Variants in FLRT2 observed in about 807,000 individuals in gnomAD.
FLRT2 encodes the protein leucine-rich repeat transmembrane protein FLRT2.
In FLRT2, 15 loss-of-function variants were observed where a neutral mutation model predicts 40.0. That is an observed-to-expected ratio of 0.38 (90% CI 0.25 to 0.58). The LOEUF is 0.58. Among genes scored for constraint, FLRT2 ranks in the 20% least tolerant of loss-of-function variants. The pLI is 0.71. For missense variants in FLRT2, 726 were observed against 840.0 expected (o/e 0.86, Z 1.68); for synonymous variants, 380 against 336.8 (o/e 1.13, Z -1.41).
chr14:85,596,755 A>C (rs958567438), intron 1 of FLRT2, among the ~76,000 whole-genome samples: 1 of 152,212 alleles, frequency 6.6e-6, no homozygotes, highest in Admixed American at 6.5e-5. Context: ...TCTGGCACAG[A>C]TGAGAACATG....
intron 1 of FLRT2, among the ~76,000 whole-genome samples, chr14:85,612,547 G>T (rs1050712986): frequency 1.3e-5 from 2 of 152,122 alleles, no homozygotes; most frequent in African/African-American, 4.8e-5. Context: ...CATGTTCTTG[G>T]GGTGGGTTGG....
chr14:85,634,860 G>A lies in FLRT2; in HGVS notation c.*11363G>A, dbSNP rs988637950. On this transcript the variant is annotated 3_prime_UTR_variant, in exon 2 of 2. Transcript: ENST00000330753. The stretch of plus-strand genomic sequence containing the variant: ...TCTTGGATAAGACCACTTCTCTCTC[G>A]GGCTTGTTTCTTATAGTCAAAAGCG... 2.0e-5 allele frequency: 3 copies of A among 151,844 alleles called. No individual in the cohort carries two copies. Among genetic ancestry groups the A allele is most frequent in the East Asian group, 1.9e-4 (1 of 5,180 alleles). 9.4% of individuals were successfully genotyped at this position (151,844 alleles called of 1,614,324 possible).
At chr14:85,535,387 T>C (rs1888587930) in intron 1 of FLRT2, among the ~76,000 whole-genome samples, 1 of 143,324 alleles carries the variant, frequency 7.0e-6, no homozygotes, top group Non-Finnish European at 1.5e-5. Context: ...TTGAGGTAAA[T>C]AGAATGCAGA....
intron 1 of FLRT2, among the ~76,000 whole-genome samples, chr14:85,614,937 T>C (rs142694760): frequency 6.6e-6 from 1 of 152,230 alleles, no homozygotes; most frequent in Admixed American, 6.5e-5. Context: ...AGAAGATACA[T>C]CTGTTATGGA....
Position 85,642,566 on chromosome 14 carries a change from C to G in FLRT2, c.*19069C>G, listed in dbSNP as rs971308118. ...AAAGGCTAAAATAACAACAAAAAAA[C>G]GGCAATAGTTTGTTATTTTTTATCA... On this transcript the variant is annotated 3_prime_UTR_variant, in exon 2 of 2. Transcript: ENST00000330753. 1.3e-5 allele frequency: 2 copies of G among 152,032 alleles called. No individual in the cohort carries two copies. Among genetic ancestry groups the G allele is most frequent in the East Asian group, 1.9e-4 (1 of 5,188 alleles). 9.4% of individuals were successfully genotyped at this position (152,032 alleles called of 1,614,324 possible).
In FLRT2 at chr14:85,640,058, C is replaced by T. The variant is rs1894115943; in HGVS notation, c.*16561C>T. 6.6e-6 allele frequency: 1 copy of T among 152,106 alleles called. No homozygotes were observed. The highest frequency in any genetic ancestry group is 1.5e-5 in the Non-Finnish European group (1 of 68,096). The allele number at this position is 152,106 out of a possible 1,614,324, so 9.4% of individuals were successfully genotyped here. On this transcript the variant is annotated 3_prime_UTR_variant, in exon 2 of 2. Coordinates refer to ENST00000330753, the MANE Select transcript of FLRT2 (RefSeq NM_013231.6). ...AGAGACGAGGTTTCACCGTGTTAGC[C>T]AGGATGGTCTCGATTTCCTGACCTC...
intron 1 of FLRT2, among the ~76,000 whole-genome samples, chr14:85,591,188 A>G (rs960509167): frequency 3.3e-5 from 5 of 152,212 alleles, no homozygotes; most frequent in Admixed American, 6.5e-5. Flanking sequence ...AGCATTGTTC[A>G]TTGGAATTAA....
At chr14:85,545,126 T>C (rs950387081) in intron 1 of FLRT2, among the ~76,000 whole-genome samples, 1 of 152,220 alleles carries the variant, frequency 6.6e-6, no homozygotes, top group Non-Finnish European at 1.5e-5. Context: ...TGAGACTGTT[T>C]AGAAACAATG....
chr14:85,641,195 G>A lies in FLRT2; in HGVS notation c.*17698G>A, dbSNP rs376604809. On this transcript the variant is annotated 3_prime_UTR_variant, in exon 2 of 2. Transcript: ENST00000330753. The stretch of plus-strand genomic sequence containing the variant: ...AAGAGAGCATGGTGTTTAATGCCAG[G>A]GTGGAAAGCTGTGACAGTCAGCTTT... The A allele has an allele frequency of 6.6e-6, 1 of 152,146 alleles. No homozygotes were observed. Among genetic ancestry groups the A allele is most frequent in the Non-Finnish European group, 1.5e-5 (1 of 68,036 alleles). 9.4% of individuals were successfully genotyped at this position (152,146 alleles called of 1,614,324 possible). A position where few individuals can be genotyped will look rare whatever the true frequency, so the allele number is the denominator to read the frequency against.
chr14:85,572,941 G>T (rs1483910728), intron 1 of FLRT2, among the ~76,000 whole-genome samples: 1 of 151,990 alleles, frequency 6.6e-6, no homozygotes, highest in Non-Finnish European at 1.5e-5. Flanking sequence ...GAGAGTTTTT[G>T]TCACTCACTA....
intron 1 of FLRT2, among the ~76,000 whole-genome samples, chr14:85,589,724 G>C (rs12896539): frequency 6.6e-6 from 1 of 151,878 alleles, no homozygotes; most frequent in African/African-American, 2.4e-5. Flanking sequence ...GTTTTCTTAT[G>C]GTAGTTTAAT....
intron 1 of FLRT2, among the ~76,000 whole-genome samples, chr14:85,616,535 G>T (rs1893142009): frequency 6.6e-6 from 1 of 152,184 alleles, no homozygotes; most frequent in African/African-American, 2.4e-5. Flanking sequence ...CCTTCTCTCA[G>T]TTGAGCTGGG....
intron 1 of FLRT2, among the ~76,000 whole-genome samples, chr14:85,620,011 C>T (rs1017918371): frequency 6.6e-6 from 1 of 152,148 alleles, no homozygotes. Flanking sequence ...TTCAAGGGAT[C>T]ACAATGGTGT....
intron 1 of FLRT2, among the ~76,000 whole-genome samples, chr14:85,539,822 C>G (rs937935468): frequency 1.1e-4 from 16 of 152,168 alleles, no homozygotes; most frequent in Non-Finnish European, 1.3e-4. Context: ...AAATGGTAAC[C>G]AAGACAGAGT....
At chr14:85,610,771 C>A (rs1410320492) in intron 1 of FLRT2, among the ~76,000 whole-genome samples, 1 of 152,164 alleles carries the variant, frequency 6.6e-6, no homozygotes, top group African/African-American at 2.4e-5. Context: ...TCTAAGTTGC[C>A]ATCTGTGACT....
chr14:85,534,380 T>A (rs1018221899), intron 1 of FLRT2, among the ~76,000 whole-genome samples: 1 of 152,118 alleles, frequency 6.6e-6, no homozygotes, highest in African/African-American at 2.4e-5. Context: ...TTGAGCCCAC[T>A]CCCTACTCTC....
chr14:85,610,712 C>G (rs1425443955), intron 1 of FLRT2, among the ~76,000 whole-genome samples: 1 of 152,112 alleles, frequency 6.6e-6, no homozygotes, highest in Admixed American at 6.6e-5. Flanking sequence ...CATTCTGCAC[C>G]CTGAATCCCC....
chr14:85,535,880 G>A (rs999155596), intron 1 of FLRT2, among the ~76,000 whole-genome samples: 1 of 142,304 alleles, frequency 7.0e-6, no homozygotes, highest in African/African-American at 2.6e-5. Flanking sequence ...AACCTAGCAT[G>A]GAAGGAATGC....
rs1566774082 is a variant in FLRT2, at chr14:85,642,315, A to G, written c.*18818A>G. On this transcript the variant is annotated 3_prime_UTR_variant, in exon 2 of 2. Coordinates refer to ENST00000330753, the MANE Select transcript of FLRT2 (RefSeq NM_013231.6). ...TGGGAATGTTAGGTAGGTTTAAATTATTCTGACTATACTGAACCCCCAAGT... is the reference window on the plus strand; with the variant it reads ...TGGGAATGTTAGGTAGGTTTAAATTGTTCTGACTATACTGAACCCCCAAGT... 1 of 152,144 alleles carries G rather than the reference A, an allele frequency of 6.6e-6. No homozygotes were observed. Among genetic ancestry groups the G allele is most frequent in the Non-Finnish European group, 1.5e-5 (1 of 68,034 alleles). The allele number at this position is 152,144 out of a possible 1,614,324, so 9.4% of individuals were successfully genotyped here. A position where few individuals can be genotyped will look rare whatever the true frequency, so the allele number is the denominator to read the frequency against.
Sources: allele counts gnomAD v4.1 joint callset (sites outside exome capture counted in the v4.1 genomes callset), GRCh38; gene constraint gnomAD v4.1.1; transcripts MANE v1.5; gene names NCBI Gene and HGNC (gene_info 2026-07-23, HGNC 2026-07-21).